The following KCNIP4 variants were observed in gnomAD, a reference collection of about 807,000 sequenced individuals.
KCNIP4 encodes the protein potassium voltage-gated channel interacting protein 4.
In KCNIP4, 12 loss-of-function variants were observed where a neutral mutation model predicts 34.0. The ratio of observed to expected loss-of-function variants is 0.35; its 90% CI spans 0.23 to 0.57. The LOEUF is 0.57. Ranked by LOEUF, KCNIP4 falls within the 20% of genes least tolerant of loss-of-function variation. KCNIP4 has a pLI of 0.83. For synonymous variants in KCNIP4, 124 were observed against 102.2 expected (o/e 1.21, Z -1.29); for missense variants, 238 against 311.7 (o/e 0.76, Z 1.78).
chr4:21,107,155 T>C (rs1748626606), intron 1 of KCNIP4, among the ~76,000 whole-genome samples: 1 of 147,192 alleles, frequency 6.8e-6, no homozygotes. Context: ...GGTATCCTTT[T>C]TAACTTTCTG....
intron 1 of KCNIP4, among the ~76,000 whole-genome samples, chr4:21,467,149 A>G (rs748089495): frequency 1.3e-4 from 19 of 151,666 alleles, no homozygotes; most frequent in Admixed American, 5.9e-4. Context: ...AACTGGATAC[A>G]ACAACTTTTC....
At chr4:21,874,350 T>C (rs1725976270) in intron 1 of KCNIP4, among the ~76,000 whole-genome samples, 1 of 152,210 alleles carries the variant, frequency 6.6e-6, no homozygotes, top group Non-Finnish European at 1.5e-5. Flanking sequence ...ATTTACTCTC[T>C]GTCCTTCTCC....
intron 1 of KCNIP4, among the ~76,000 whole-genome samples, chr4:21,653,514 CATACAT>C (rs1455072687): frequency 6.6e-6 from 1 of 152,148 alleles, no homozygotes; most frequent in Non-Finnish European, 1.5e-5. Flanking sequence ...CAAACACATA[CATACAT>C]ATTCATATAT....
intron 1 of KCNIP4, among the ~76,000 whole-genome samples, chr4:21,691,606 A>C (rs1711638817): frequency 6.6e-6 from 1 of 151,772 alleles, no homozygotes; most frequent in Non-Finnish European, 1.5e-5. Flanking sequence ...TTCTTTAAGT[A>C]CTTAAACGAG....
intron 1 of KCNIP4, among the ~76,000 whole-genome samples, chr4:21,678,452 G>T (rs982561371): frequency 5.3e-5 from 8 of 152,058 alleles, no homozygotes; most frequent in African/African-American, 1.9e-4. Context: ...AATTGTAACT[G>T]CTGTGTTTAG....
At chr4:21,850,814 C>T (rs1359564831) in intron 1 of KCNIP4, 2 of 152,082 alleles carry the variant, frequency 1.3e-5, no homozygotes, top group Admixed American at 6.6e-5. Context: ...CACGCTCAGG[C>T]TTGCTGTGGA....
chr4:21,436,189 C>T (rs1183394318), intron 1 of KCNIP4, among the ~76,000 whole-genome samples: 1 of 152,136 alleles, frequency 6.6e-6, no homozygotes, highest in African/African-American at 2.4e-5. Flanking sequence ...TCAAGAAAAT[C>T]ATGTGTTTGC....
intron 3 of KCNIP4, among the ~76,000 whole-genome samples, chr4:20,776,946 T>C (rs1756422086): frequency 6.6e-6 from 1 of 152,188 alleles, no homozygotes; most frequent in South Asian, 2.1e-4. Flanking sequence ...ATGGATCTTC[T>C]TTGGGGAAAT....
chr4:21,420,086 C>A (rs1725321459), intron 1 of KCNIP4, among the ~76,000 whole-genome samples: 3 of 152,150 alleles, frequency 2.0e-5, no homozygotes, highest in Admixed American at 2.0e-4. Context: ...TCTATGTATC[C>A]TCACGAAATA....
chr4:21,635,503 GAA>G (rs1402320445), intron 1 of KCNIP4, among the ~76,000 whole-genome samples: 1 of 152,096 alleles, frequency 6.6e-6, no homozygotes, highest in Non-Finnish European at 1.5e-5. Flanking sequence ...CTTCTCAAAA[GAA>G]GACATTTATG....
chr4:21,669,291 G>A (rs1749280602), intron 1 of KCNIP4, among the ~76,000 whole-genome samples: 1 of 152,150 alleles, frequency 6.6e-6, no homozygotes, highest in Non-Finnish European at 1.5e-5. Flanking sequence ...TAGAGACAGA[G>A]TCTCACTTTG....
chr4:20,784,420 T>G (rs1711648506), intron 3 of KCNIP4, among the ~76,000 whole-genome samples: 1 of 152,200 alleles, frequency 6.6e-6, no homozygotes, highest in African/African-American at 2.4e-5. Flanking sequence ...TAGAATCCTC[T>G]TTCCTTCTCC....
At chr4:21,052,470 T>C (rs907205061) in intron 1 of KCNIP4, among the ~76,000 whole-genome samples, 8 of 152,164 alleles carry the variant, frequency 5.3e-5, no homozygotes, top group African/African-American at 1.9e-4. Context: ...TTTTAGTACT[T>C]ACAGACCATT....
At chr4:20,978,544 G>T (rs765349801) in intron 1 of KCNIP4, among the ~76,000 whole-genome samples, 27 of 152,134 alleles carry the variant, frequency 1.8e-4, no homozygotes, top group Non-Finnish European at 3.1e-4. Context: ...GTGTATCATG[G>T]CCCTGTGCTT....
chr4:20,880,142 A>C (rs1323394723), intron 2 of KCNIP4, among the ~76,000 whole-genome samples: 2 of 152,236 alleles, frequency 1.3e-5, no homozygotes, highest in Non-Finnish European at 2.9e-5. Context: ...TGACATAATT[A>C]GTACATATAC....
intron 1 of KCNIP4, among the ~76,000 whole-genome samples, chr4:21,759,785 T>G (rs1380210172): frequency 1.3e-5 from 2 of 152,086 alleles, no homozygotes; most frequent in Non-Finnish European, 2.9e-5. Flanking sequence ...ATGGCCATTA[T>G]CTTGCCACCT....
intron 1 of KCNIP4, among the ~76,000 whole-genome samples, chr4:21,012,736 G>A (rs1739166423): frequency 6.6e-6 from 1 of 152,194 alleles, no homozygotes; most frequent in East Asian, 1.9e-4. Context: ...GATCACCTAG[G>A]AAGTAGAACT....
intron 1 of KCNIP4, among the ~76,000 whole-genome samples, chr4:21,339,494 G>T (rs1184098993): frequency 6.6e-6 from 1 of 152,136 alleles, no homozygotes; most frequent in Non-Finnish European, 1.5e-5. Flanking sequence ...TACCTTAAGA[G>T]ACTTTTTCTG....
At chr4:21,047,867 C>T (rs537476100) in intron 1 of KCNIP4, among the ~76,000 whole-genome samples, 53 of 152,320 alleles carry the variant, frequency 3.5e-4, no homozygotes, top group African/African-American at 1.3e-3. Context: ...TACTCATTCT[C>T]CTTTAAAGCT....
Sources: allele counts gnomAD v4.1 joint callset (sites outside exome capture counted in the v4.1 genomes callset), GRCh38; gene constraint gnomAD v4.1.1; transcripts MANE v1.5; gene names NCBI Gene and HGNC (gene_info 2026-07-23, HGNC 2026-07-21).